Variants in PTGER3 observed in about 807,000 individuals in gnomAD.
PTGER3 encodes prostaglandin E2 receptor EP3 subtype.
Under a neutral mutation model 34.7 loss-of-function variants are expected in PTGER3, and 22 were observed. The ratio of observed to expected loss-of-function variants is 0.63; its 90% CI spans 0.45 to 0.91. PTGER3 has a LOEUF of 0.91. PTGER3 is among the 40% of genes least tolerant of loss of function. The pLI is 0.00. For synonymous variants in PTGER3, 241 were observed against 230.1 expected (o/e 1.05, Z -0.43); for missense variants, 468 against 519.4 (o/e 0.90, Z 0.96).
chr1:70,952,023 GT>G (rs1243282874), downstream of PTGER3, among the ~76,000 whole-genome samples: 1 of 152,128 alleles, frequency 6.6e-6, no homozygotes, highest in Middle Eastern at 3.2e-3. Flanking sequence ...GGGATAGCAT[GT>G]GCAAAGAACC....
At chr1:71,017,681 A>G (rs2268059) in intron 1 of PTGER3, among the ~76,000 whole-genome samples, 50,316 of 151,898 alleles carry the variant, frequency 0.33, 9,047 homozygotes, top group South Asian at 0.45. Flanking sequence ...CTGCTCCACC[A>G]TGTGAAGATG....
At chr1:71,029,479 T>C (rs770367001) in intron 1 of PTGER3, among the ~76,000 whole-genome samples, 3 of 152,136 alleles carry the variant, frequency 2.0e-5, no homozygotes, top group Non-Finnish European at 2.9e-5. Context: ...TAGAACAAAA[T>C]GAAATTATAT....
intron 4 of PTGER3, among the ~76,000 whole-genome samples, chr1:70,870,714 T>G (rs1373213910): frequency 6.6e-6 from 1 of 152,214 alleles, no homozygotes; most frequent in East Asian, 1.9e-4. Context: ...AGTTCAAACT[T>G]CCACAGATTC....
chr1:70,987,587 A>G (rs1361131203), intron 2 of PTGER3, among the ~76,000 whole-genome samples: 2 of 152,202 alleles, frequency 1.3e-5, no homozygotes, highest in Non-Finnish European at 2.9e-5. Flanking sequence ...TATGCACTTC[A>G]GTGTTCTGGA....
In PTGER3 at chr1:71,047,328, G is replaced by C; in HGVS notation, c.250C>G (p.Arg84Gly). 3 of 1,606,696 alleles carry C rather than the reference G, an allele frequency of 1.9e-6. No individual in the cohort carries two copies. Among genetic ancestry groups the C allele is most frequent in the Non-Finnish European group, 2.5e-6 (3 of 1,177,290 alleles). The change falls in exon 1 of 4, where the codon CGC becomes GGC. Residue 84 changes from arginine (R) to glycine (G), a missense_variant. Transcript: ENST00000306666. ...ATGCACAGCAGGAAGGACTTCTTGC[G>C]CTTGCTCTCCCGGCGCCGGTAGCTG... ...SRSYRRRESK[R>G]KKSFLLCIGW...
downstream of PTGER3, among the ~76,000 whole-genome samples, chr1:70,969,722 T>G (rs1357938746): frequency 6.6e-6 from 1 of 152,082 alleles, no homozygotes; most frequent in Non-Finnish European, 1.5e-5. Flanking sequence ...AAAACAAGAA[T>G]AGCATCCAAA....
At chr1:70,953,954 G>T (rs1056085691) in intron 2 of PTGER3, among the ~76,000 whole-genome samples, 3 of 152,104 alleles carry the variant, frequency 2.0e-5, no homozygotes, top group Admixed American at 1.3e-4. Flanking sequence ...GGGCATGGCT[G>T]AATCTGAAGA....
At chr1:70,990,156 A>G (rs565196797) in intron 2 of PTGER3, among the ~76,000 whole-genome samples, 1 of 151,888 alleles carries the variant, frequency 6.6e-6, no homozygotes, top group South Asian at 2.1e-4. Context: ...GATCGAGACC[A>G]ACCTGGCTAA....
At chr1:70,870,075 T>C (rs939737791) in intron 4 of PTGER3, among the ~76,000 whole-genome samples, 2 of 152,200 alleles carry the variant, frequency 1.3e-5, no homozygotes, top group Non-Finnish European at 2.9e-5. Flanking sequence ...TCCAGGCTTT[T>C]CTACATGTTC....
At chr1:70,953,663 A>C (rs1292956197) in intron 3 of PTGER3, 22 of 1,499,352 alleles carry the variant, frequency 1.5e-5, no homozygotes, top group Non-Finnish European at 2.0e-5. Flanking sequence ...GAAAACACGA[A>C]CTTTCAATTT....
intron 4 of PTGER3, among the ~76,000 whole-genome samples, chr1:70,933,968 T>C (rs1309252270): frequency 6.6e-6 from 1 of 152,194 alleles, no homozygotes; most frequent in Non-Finnish European, 1.5e-5. Flanking sequence ...CTCTAAGTGC[T>C]GAAGTAAGTA....
intron 1 of PTGER3, among the ~76,000 whole-genome samples, chr1:71,027,943 C>T (rs993725310): frequency 1.3e-5 from 2 of 152,156 alleles, no homozygotes; most frequent in Non-Finnish European, 2.9e-5. Context: ...CCATATGTGG[C>T]TAGTGGCTAC....
chr1:71,010,333 C>G, intron 2 of PTGER3: 1 of 984,750 alleles, frequency 1.0e-6, no homozygotes, highest in Non-Finnish European at 1.2e-6. Context: ...CTTTATCAGC[C>G]TGATGGACTG....
intron 4 of PTGER3, among the ~76,000 whole-genome samples, chr1:70,882,454 C>G (rs926234410): frequency 6.6e-6 from 1 of 152,186 alleles, no homozygotes; most frequent in Non-Finnish European, 1.5e-5. Context: ...AGAAGCAGCA[C>G]CACTGGGCTG....
At chr1:70,987,230 A>C (rs1213279948) in intron 2 of PTGER3, among the ~76,000 whole-genome samples, 1 of 152,228 alleles carries the variant, frequency 6.6e-6, no homozygotes, top group Non-Finnish European at 1.5e-5. Flanking sequence ...GGAAATGGAA[A>C]CAATGTCAAA....
chr1:71,034,403 C>G (rs1342918572), intron 1 of PTGER3, among the ~76,000 whole-genome samples: 1 of 152,098 alleles, frequency 6.6e-6, no homozygotes, highest in Non-Finnish European at 1.5e-5. Flanking sequence ...AGCTAAGTCC[C>G]TTTATGTTTG....
chr1:70,959,854 T>C (rs1439231169), intron 2 of PTGER3, among the ~76,000 whole-genome samples: 1 of 152,150 alleles, frequency 6.6e-6, no homozygotes, highest in African/African-American at 2.4e-5. Context: ...ATTGATTTTG[T>C]CACCCCCTTT....
intron 4 of PTGER3, among the ~76,000 whole-genome samples, chr1:70,902,574 A>G (rs1646862715): frequency 6.6e-6 from 1 of 152,226 alleles, no homozygotes; most frequent in Non-Finnish European, 1.5e-5. Context: ...AGATTTGGAG[A>G]GAAAAGAGAG....
At chr1:70,965,854 A>T (rs1652462590), downstream of PTGER3, among the ~76,000 whole-genome samples, 1 of 152,136 alleles carries the variant, frequency 6.6e-6, no homozygotes, top group African/African-American at 2.4e-5. Flanking sequence ...AGAGCTTGTT[A>T]CTTAAGTTCT....
Sources: allele counts gnomAD v4.1 joint callset (sites outside exome capture counted in the v4.1 genomes callset), GRCh38; gene constraint gnomAD v4.1.1; transcripts MANE v1.5; gene names NCBI Gene and HGNC (gene_info 2026-07-23, HGNC 2026-07-21).